Variants in MNDA observed in about 807,000 individuals in gnomAD.
The protein encoded by MNDA is epididymis secretory sperm binding protein.
Under a neutral mutation model 37.8 loss-of-function variants are expected in MNDA, and 43 were observed. That is an observed-to-expected ratio of 1.14 (90% confidence interval 0.89 to 1.47). The LOEUF (loss-of-function observed/expected upper bound fraction) is 1.47, where lower values mean the gene tolerates loss of function less well. MNDA is among the 40% of genes most tolerant of loss of function. The pLI is 0.00. For synonymous variants in MNDA, 181 were observed against 169.0 expected, an observed-to-expected ratio of 1.07 and a Z score of -0.55; for missense variants, 536 against 476.0, an observed-to-expected ratio of 1.13 and a Z score of -1.17.
Position 158,845,888 on chromosome 1 carries a change from A to C in MNDA, c.872A>C (p.Gln291Pro). Reference sequence around the variant, plus strand: ...GCATCATCTGTGTCTGACTTTAATCAAAATTTTGAGGTCCCAAACAGAATT... The same window carrying C: ...GCATCATCTGTGTCTGACTTTAATCCAAATTTTGAGGTCCCAAACAGAATT... ...KEASSVSDFNQNFEVPNRIIE... is the reference protein window; with the variant it reads ...KEASSVSDFNPNFEVPNRIIE... The change falls in exon 5 of 7, where the codon CAA becomes CCA. Residue 291 changes from glutamine (Q) to proline (P), a missense_variant. Coordinates refer to ENST00000368141, the MANE Select transcript of MNDA (RefSeq NM_002432.3). The C allele has an allele frequency of 6.2e-7, 1 of 1,614,194 alleles. No homozygotes were observed. The highest frequency in any genetic ancestry group is 1.7e-5 in the Admixed American group (1 of 60,026).
At chr1:158,841,262 AAG>A (rs1051095731) in intron 1 of MNDA, among the ~76,000 whole-genome samples, 4 of 152,212 alleles carry the variant, frequency 2.6e-5, no homozygotes, top group African/African-American at 9.6e-5. Context: ...CACACACAAA[AAG>A]AAAGATACAG....
At chr1:158,846,879 T>C (rs527782171) in intron 5 of MNDA, among the ~76,000 whole-genome samples, 1 of 152,302 alleles carries the variant, frequency 6.6e-6, no homozygotes, top group South Asian at 2.1e-4. Context: ...AATTACAGAA[T>C]TGATGAGTAA....
At chr1:158,842,514 C>G in intron 2 of MNDA, 96 bp downstream of exon 2, 1 of 1,314,646 alleles carries the variant, frequency 7.6e-7, no homozygotes, top group Non-Finnish European at 1.1e-6. Context: ...ATCCCTTTTC[C>G]AATTTATAAC....
intron 1 of MNDA, among the ~76,000 whole-genome samples, chr1:158,835,612 T>G: frequency 2.5e-5 from 1 of 40,566 alleles, no homozygotes; most frequent in African/African-American, 1.1e-4. Context: ...TGCCTATTTT[T>G]GGTGGGGGCG....
rs1571663152 is a variant in MNDA, at chr1:158,849,220, C to G, written c.1207C>G (p.Pro403Ala). The change falls in exon 7 of 7, where the codon CCA becomes GCA. Residue 403 changes from proline (P) to alanine (A), a missense_variant. Transcript: ENST00000368141. ...CAAGGCCAAGAAAAACAAGGAAGGA[C>G]CAATGAATGTTAATTGAAATATGAA... ...VIKAKKNKEGPMNVN is the reference protein window; with the variant it reads ...VIKAKKNKEGAMNVN The G allele has an allele frequency of 6.2e-7, 1 of 1,611,522 alleles. No homozygotes were observed. Among genetic ancestry groups the G allele is most frequent in the African/African-American group, 1.3e-5 (1 of 74,876 alleles).
intron 1 of MNDA, among the ~76,000 whole-genome samples, chr1:158,840,206 T>A (rs1659002535): frequency 6.6e-6 from 1 of 152,152 alleles, no homozygotes; most frequent in South Asian, 2.1e-4. Flanking sequence ...TAAAGTGAGA[T>A]GAATAAGGAA....
chr1:158,841,639 G>A lies in MNDA; in HGVS notation c.-20-495G>A, dbSNP rs75006481. Among the ~76,000 whole-genome samples, 1,240 of 152,270 alleles carry A rather than the reference G, an allele frequency of 8.1e-3. 21 individuals carry two copies. Among genetic ancestry groups the A allele is most frequent in the African/African-American group, 0.029 (1,195 of 41,538 alleles). On this transcript the variant is annotated intron_variant, in intron 1 of 6. Transcript: ENST00000368141. ...GGACTAGAGTCCATTCCACAACTCAGAACTGTAGTGCTGTGGCAGAAGGTT... is the reference window on the plus strand; with the variant it reads ...GGACTAGAGTCCATTCCACAACTCAAAACTGTAGTGCTGTGGCAGAAGGTT...
chr1:158,844,423 C>G (rs1164671794), intron 4 of MNDA, among the ~76,000 whole-genome samples: 2 of 151,024 alleles, frequency 1.3e-5, no homozygotes, highest in East Asian at 3.9e-4. Flanking sequence ...CTCATCTTTG[C>G]TCCCCACACT....
At chr1:158,848,132 A>C (rs754500565) in intron 6 of MNDA, among the ~76,000 whole-genome samples, 4 of 152,214 alleles carry the variant, frequency 2.6e-5, no homozygotes, top group Non-Finnish European at 4.4e-5. Context: ...ACTAGTGTTA[A>C]TTGATTTAAA....
At chr1:158,841,274 G>A (rs1659023993) in intron 1 of MNDA, among the ~76,000 whole-genome samples, 2 of 152,116 alleles carry the variant, frequency 1.3e-5, no homozygotes, top group South Asian at 4.1e-4. Flanking sequence ...GAAAGATACA[G>A]TTTATGCAAG....
rs143637461 is a variant in MNDA, at chr1:158,847,828, A to T, written c.1088A>T (p.Lys363Ile). 188 of 1,613,914 alleles carry T rather than the reference A, an allele frequency of 1.2e-4. No homozygotes were observed. The East Asian group carries it at 4.1e-3, about 35-fold the overall frequency. The change falls in exon 6 of 7, where the codon AAA becomes ATA. Residue 363 changes from lysine (K) to isoleucine (I), a missense_variant. Coordinates refer to ENST00000368141, the MANE Select transcript of MNDA (RefSeq NM_002432.3). ...SGKWHNIKCE[K>I]GDKLRLFCLQ... ...AAATGGCACAATATCAAGTGTGAGAAAGGAGATAAACTTCGACTCTTCTGC... is the reference window on the plus strand; with the variant it reads ...AAATGGCACAATATCAAGTGTGAGATAGGAGATAAACTTCGACTCTTCTGC...
At chr1:158,834,027 T>A (rs1234811397) in intron 1 of MNDA, among the ~76,000 whole-genome samples, 1 of 152,188 alleles carries the variant, frequency 6.6e-6, no homozygotes. Flanking sequence ...TTTCTGTAGT[T>A]ATTTTTTTGA....
intron 6 of MNDA, 58 bp downstream of exon 6, chr1:158,847,974 C>T: frequency 6.6e-7 from 1 of 1,514,708 alleles, no homozygotes; most frequent in Non-Finnish European, 9.0e-7. Context: ...TTTGCTTAGG[C>T]TTTGGGAACA....
At chr1:158,839,984 T>C (rs912990427) in intron 1 of MNDA, among the ~76,000 whole-genome samples, 5 of 152,182 alleles carry the variant, frequency 3.3e-5, no homozygotes, top group Non-Finnish European at 7.4e-5. Flanking sequence ...GTTTGAAAAA[T>C]ATTTTTGCTT....
intron 1 of MNDA, among the ~76,000 whole-genome samples, chr1:158,834,786 T>C (rs1280724211): frequency 6.6e-6 from 1 of 152,226 alleles, no homozygotes; most frequent in Non-Finnish European, 1.5e-5. Flanking sequence ...TGATATACTT[T>C]GAGTTACATT....
At position 158,847,707 on chromosome 1, in the gene MNDA, G is replaced by T. The variant is rs139398384; in HGVS notation, c.988-21G>T. On this transcript the variant is annotated intron_variant, in intron 5 of 6. Transcript: ENST00000368141. ...ATACTAACAATCCTCTCAGAAACAG[G>T]ATGTTAATCTTCTTTTGCAGAAAAG... The T allele has an allele frequency of 3.4e-4, 537 of 1,600,776 alleles. 9 individuals carry two copies. The East Asian group carries it at 0.012, about 35-fold the overall frequency.
intron 1 of MNDA, among the ~76,000 whole-genome samples, chr1:158,838,762 C>G (rs1658971119): frequency 6.6e-6 from 1 of 151,988 alleles, no homozygotes; most frequent in Non-Finnish European, 1.5e-5. Context: ...TGTTCACTTT[C>G]CTTTATATCT....
At chr1:158,832,232 CTT>C (rs1658818337) in intron 1 of MNDA, among the ~76,000 whole-genome samples, 2 of 151,980 alleles carry the variant, frequency 1.3e-5, no homozygotes, top group South Asian at 4.1e-4. Flanking sequence ...TACATTTTGA[CTT>C]TTTTATGGCT....
chr1:158,845,200 C>T (rs538964280), intron 4 of MNDA, among the ~76,000 whole-genome samples: 2 of 149,086 alleles, frequency 1.3e-5, no homozygotes, highest in South Asian at 4.3e-4. Context: ...ACTTTGTATT[C>T]CTGCTCAAAG....
Sources: allele counts gnomAD v4.1 joint callset (sites outside exome capture counted in the v4.1 genomes callset), GRCh38; gene constraint gnomAD v4.1.1; transcripts MANE v1.5; gene names NCBI Gene and HGNC (gene_info 2026-07-23, HGNC 2026-07-21).